Variants in FGL1 observed in about 807,000 individuals in gnomAD.
FGL1 encodes fibrinogen like 1, also known as fibrinogen-like protein 1.
In FGL1, 59 loss-of-function variants were observed where a neutral mutation model predicts 43.7. The observed-to-expected ratio is 1.35, with a 90% CI of 1.10 to 1.68. FGL1 has a LOEUF of 1.68. Among genes scored for constraint, FGL1 ranks in the 40% most tolerant of loss-of-function variants. FGL1 has a pLI of 0.00. For missense variants in FGL1, 596 were observed against 373.0 expected, an observed-to-expected ratio of 1.60 and a Z score of -4.92; for synonymous variants, 192 against 126.5, an observed-to-expected ratio of 1.52 and a Z score of -3.48.
intron 2 of FGL1, among the ~76,000 whole-genome samples, chr8:17,883,187 C>T (rs1390997651): frequency 7.2e-4 from 36 of 49,908 alleles, no homozygotes; most frequent in South Asian, 1.6e-3. Context: ...TAATATATAT[C>T]ATATATAATA....
At chr8:17,892,861 G>T (rs894186705) in intron 1 of FGL1, among the ~76,000 whole-genome samples, 1 of 152,120 alleles carries the variant, frequency 6.6e-6, no homozygotes, top group East Asian at 1.9e-4. Flanking sequence ...TTATGCATTT[G>T]TGGGATCAAG....
intron 3 of FGL1, among the ~76,000 whole-genome samples, chr8:17,877,509 C>T (rs2053473765): frequency 6.6e-6 from 1 of 151,454 alleles, no homozygotes; most frequent in African/African-American, 2.4e-5. Flanking sequence ...ATTCTAAACA[C>T]AAAAAGAGGT....
At chr8:17,874,333 T>C (rs1348163683) in intron 4 of FGL1, 29 bp downstream of exon 4, 5 of 1,598,356 alleles carry the variant, frequency 3.1e-6, no homozygotes, top group Non-Finnish European at 4.3e-6. Context: ...TGCTGCTACA[T>C]ATAAAGTCTT....
chr8:17,878,493 A>T (rs774728873), intron 3 of FGL1, among the ~76,000 whole-genome samples: 22 of 152,144 alleles, frequency 1.4e-4, no homozygotes, highest in Non-Finnish European at 2.1e-4. Context: ...AGAAGGGGAG[A>T]TGCTGGAGCC....
chr8:17,877,205 G>C (rs552761597), intron 3 of FGL1, among the ~76,000 whole-genome samples: 1 of 151,928 alleles, frequency 6.6e-6, no homozygotes, highest in African/African-American at 2.4e-5. Flanking sequence ...GAAAGGCAAG[G>C]TTAAAGAGCT....
intron 1 of FGL1, among the ~76,000 whole-genome samples, chr8:17,887,755 A>G (rs1394263080): frequency 6.6e-6 from 1 of 151,942 alleles, no homozygotes; most frequent in Non-Finnish European, 1.5e-5. Flanking sequence ...GAATTGCTTG[A>G]ACCTGGGAGG....
At chr8:17,877,323 A>G (rs901719749) in intron 3 of FGL1, among the ~76,000 whole-genome samples, 1 of 152,194 alleles carries the variant, frequency 6.6e-6, no homozygotes, top group Admixed American at 6.5e-5. Context: ...CAAACACTGT[A>G]TTAAACTGGG....
At chr8:17,879,138 C>T (rs1290622004) in intron 3 of FGL1, among the ~76,000 whole-genome samples, 2 of 151,470 alleles carry the variant, frequency 1.3e-5, no homozygotes, top group African/African-American at 4.8e-5. Flanking sequence ...TATCAAAAAA[C>T]AGTCATCTAG....
rs150778917 is a variant in FGL1 at position 17,888,646 on chromosome 8, C to G, written c.-17-3075G>C. 1.8e-3 allele frequency among the ~76,000 whole-genome samples: 270 copies of G among 152,200 alleles called. 2 individuals are homozygous for G. The highest frequency in any genetic ancestry group is 6.4e-3 in the African/African-American group (267 of 41,532). On this transcript the variant is annotated intron_variant, in intron 1 of 7. Transcript: ENST00000427924. ...TTGTCTGAGGGTCCTTGGGAACACT[C>G]CTTATTCATTGTGGCTGAATTTTTT...
intron 3 of FGL1, among the ~76,000 whole-genome samples, chr8:17,875,159 A>T (rs576150470): frequency 1.3e-5 from 2 of 152,302 alleles, no homozygotes; most frequent in Admixed American, 6.5e-5. Flanking sequence ...ATGAACCCAA[A>T]ATAGTAATCT....
chr8:17,894,622 G>C (rs370568313), intron 1 of FGL1, among the ~76,000 whole-genome samples: 1 of 145,876 alleles, frequency 6.9e-6, no homozygotes, highest in African/African-American at 2.7e-5. Flanking sequence ...TATCATTTAC[G>C]TCAAACTCCC....
chr8:17,871,140 G>C (rs959938054), intron 5 of FGL1, among the ~76,000 whole-genome samples: 2 of 152,076 alleles, frequency 1.3e-5, no homozygotes, highest in African/African-American at 4.8e-5. Flanking sequence ...GGTCACAGGA[G>C]AAAAGACTGT....
intron 3 of FGL1, among the ~76,000 whole-genome samples, chr8:17,874,971 AC>A (rs1393371435): frequency 6.6e-6 from 1 of 152,128 alleles, no homozygotes; most frequent in Non-Finnish European, 1.5e-5. Context: ...CTTAAAAAAA[AC>A]AAGTTATGAG....
intron 2 of FGL1, chr8:17,882,574 A>T (rs939348696): frequency 6.6e-6 from 1 of 152,628 alleles, no homozygotes; most frequent in Non-Finnish European, 1.5e-5. Flanking sequence ...GACATTGCTT[A>T]TGTGTTTTCT....
intron 1 of FGL1, 147 bp downstream of exon 1, chr8:17,895,300 A>C (rs1447681504): frequency 2.5e-5 from 27 of 1,078,788 alleles, no homozygotes; most frequent in Non-Finnish European, 3.1e-5. Flanking sequence ...CTCTTCTCCA[A>C]GTAGCAGAAG....
Position 17,885,587 on chromosome 8 carries a change from G to C in FGL1, c.-17-16C>G, listed in dbSNP as rs759700090. 9 of 1,608,764 alleles carry C rather than the reference G, an allele frequency of 5.6e-6. No individual in the cohort carries two copies. In the South Asian group the frequency reaches 8.9e-5, roughly 16 times the overall value. On this transcript the variant is annotated splice_polypyrimidine_tract_variant and intron_variant, in intron 1 of 7. Transcript: ENST00000427924. ...CTTGAAAAAACTGCAAGAACAAAAA[G>C]AATTTTATAAATGTATCAACCTTGA...
At chr8:17,876,567 A>G (rs2053459163) in intron 3 of FGL1, among the ~76,000 whole-genome samples, 1 of 152,234 alleles carries the variant, frequency 6.6e-6, no homozygotes, top group South Asian at 2.1e-4. Flanking sequence ...AAGCAAAACA[A>G]TGAGAAAATG....
rs1330166582 is a variant in FGL1 at position 17,868,685 on chromosome 8, G to A, written c.642C>T (p.Ser214=). 8.1e-6 allele frequency: 13 copies of A among 1,613,496 alleles called. No individual in the cohort carries two copies. The highest frequency in any genetic ancestry group is 8.0e-5 in the African/African-American group (6 of 74,860). ...CCTCAGGATGAAAATTCCCCGCAAG[G>A]GAATCTCCAGCTGTTCCAGAATATT... is the stretch of plus-strand genomic sequence containing the variant. ...IGEYSGTAGD[S]LAGNFHPEVQ... Residue 214 remains serine, a synonymous_variant, in exon 7 of 8, where the codon TCC becomes TCT. Transcript: ENST00000427924.
rs35899868 is a variant in FGL1, at chr8:17,887,834, C to CA, written c.-17-2264dup. Among the ~76,000 whole-genome samples the CA allele has an allele frequency of 3.5e-3, 497 of 143,644 alleles. 2 individuals are homozygous for CA. Among genetic ancestry groups the CA allele is most frequent in the Non-Finnish European group, 4.1e-3 (270 of 65,716 alleles). The allele number at this position is 143,644 out of a possible 152,430, so 94.2% of individuals were successfully genotyped here. A position where few individuals can be genotyped will look rare whatever the true frequency, so the allele number is the denominator to read the frequency against. The stretch of plus-strand genomic sequence containing the variant: ...CAGGTGACAGTGCGAGACTCCATCT[C>CA]AAAAAAAAAAAAAAGTATCTCTAGA... On this transcript the variant is annotated intron_variant, in intron 1 of 7. Transcript: ENST00000427924.
Sources: allele counts gnomAD v4.1 joint callset (sites outside exome capture counted in the v4.1 genomes callset), GRCh38; gene constraint gnomAD v4.1.1; transcripts MANE v1.5; gene names NCBI Gene and HGNC (gene_info 2026-07-23, HGNC 2026-07-21).